Variants in ATP8A2 observed in about 807,000 individuals in gnomAD.
ATP8A2 encodes phospholipid-transporting ATPase IB.
Under a neutral mutation model 165.6 loss-of-function variants are expected in ATP8A2, and 100 were observed. The ratio of observed to expected loss-of-function variants is 0.60; its 90% CI spans 0.51 to 0.71. The LOEUF (loss-of-function observed/expected upper bound fraction) is 0.71. Ranked by LOEUF, ATP8A2 falls within the 30% of genes least tolerant of loss-of-function variation. ATP8A2 has a pLI of 0.00. For synonymous variants in ATP8A2, 543 were observed against 548.8 expected, an observed-to-expected ratio of 0.99 and a Z score of 0.15; for missense variants, 1,227 against 1,479.5, an observed-to-expected ratio of 0.83 and a Z score of 2.80.
intron 25 of ATP8A2, among the ~76,000 whole-genome samples, chr13:25,730,683 T>C (rs1467259689): frequency 2.0e-5 from 3 of 152,216 alleles, no homozygotes; most frequent in Non-Finnish European, 4.4e-5. Context: ...GAAGGCCAAA[T>C]GTAGAATCCA....
At chr13:25,647,875 G>C (rs1024187084) in intron 24 of ATP8A2, among the ~76,000 whole-genome samples, 2 of 151,872 alleles carry the variant, frequency 1.3e-5, no homozygotes, top group Admixed American at 1.3e-4. Context: ...TTTTAGTAGA[G>C]ATGGGGTTTC....
chr13:25,932,501 C>T (rs1333515357), intron 33 of ATP8A2, among the ~76,000 whole-genome samples: 1 of 152,216 alleles, frequency 6.6e-6, no homozygotes, highest in African/African-American at 2.4e-5. Context: ...AACCCAAATA[C>T]TTGCACCTTG....
chr13:25,991,834 CTT>C (rs1956402482), intron 35 of ATP8A2, among the ~76,000 whole-genome samples: 1 of 150,422 alleles, frequency 6.6e-6, no homozygotes, highest in African/African-American at 2.4e-5. Flanking sequence ...AATATTAGGT[CTT>C]AATTTTTCTG....
In ATP8A2 at chr13:25,559,717, G is replaced by A. The variant is rs2138106661; in HGVS notation, c.1353-4G>A. On this transcript the variant is annotated splice_polypyrimidine_tract_variant and splice_region_variant and intron_variant, in intron 14 of 36. Coordinates refer to ENST00000381655, the MANE Select transcript of ATP8A2 (RefSeq NM_016529.6). The stretch of plus-strand genomic sequence containing the variant: ...GACCACTCTGTTTTCCGTTTCTCTG[G>A]CAGTCACTTCCCAGAATTGGCAAGA... 6.2e-7 allele frequency: 1 copy of A among 1,612,764 alleles called. No individual in the cohort carries two copies.
intron 33 of ATP8A2, among the ~76,000 whole-genome samples, chr13:25,897,619 C>T (rs1344993566): frequency 6.6e-6 from 1 of 152,190 alleles, no homozygotes; most frequent in East Asian, 1.9e-4. Flanking sequence ...GGATAATATC[C>T]TGCAGAGTGT....
intron 29 of ATP8A2, among the ~76,000 whole-genome samples, chr13:25,838,550 G>A (rs1951679330): frequency 6.6e-6 from 1 of 151,938 alleles, no homozygotes; most frequent in Middle Eastern, 3.2e-3. Context: ...CTTATCTGCA[G>A]GCACTTTGAA....
At chr13:25,539,222 G>A (rs146453143) in intron 7 of ATP8A2, among the ~76,000 whole-genome samples, 41,516 of 151,794 alleles carry the variant, frequency 0.27, 6,786 homozygotes, top group Middle Eastern at 0.4. Flanking sequence ...TCAGCCTCCT[G>A]AGTAGCTGGG....
chr13:25,904,002 T>C (rs1297004088), intron 33 of ATP8A2, among the ~76,000 whole-genome samples: 1 of 152,188 alleles, frequency 6.6e-6, no homozygotes, highest in Non-Finnish European at 1.5e-5. Context: ...ACTCTGCAGA[T>C]TGAGGATCCC....
chr13:25,636,686 C>T (rs1412290689), intron 24 of ATP8A2, among the ~76,000 whole-genome samples: 1 of 152,168 alleles, frequency 6.6e-6, no homozygotes, highest in Non-Finnish European at 1.5e-5. Context: ...CTCGCCTTCA[C>T]TCCTGTTCTG....
intron 1 of ATP8A2, among the ~76,000 whole-genome samples, chr13:25,454,440 G>A (rs2035308419): frequency 6.7e-6 from 1 of 149,318 alleles, no homozygotes; most frequent in Admixed American, 6.6e-5. Context: ...CTCTCTGAAC[G>A]ATGAAGATGG....
chr13:25,971,762 T>C (rs1955919461), intron 35 of ATP8A2, among the ~76,000 whole-genome samples: 1 of 152,098 alleles, frequency 6.6e-6, no homozygotes, highest in Non-Finnish European at 1.5e-5. Flanking sequence ...ATCTCATTGC[T>C]TGAGAGTACA....
At chr13:25,912,145 G>GA (rs1954125883) in intron 33 of ATP8A2, among the ~76,000 whole-genome samples, 1 of 124,662 alleles carries the variant, frequency 8.0e-6, no homozygotes, top group South Asian at 2.8e-4. Flanking sequence ...AATGGATAAA[G>GA]AAAATGTGAG....
intron 29 of ATP8A2, 113 bp from the exon 30 acceptor site, chr13:25,839,433 T>G: frequency 1.4e-6 from 1 of 706,884 alleles, no homozygotes; most frequent in Non-Finnish European, 2.5e-6. Context: ...ATGCTACTCC[T>G]GGAACCGTGC....
chr13:25,989,670 CCT>C (rs1956345126), intron 35 of ATP8A2, among the ~76,000 whole-genome samples: 2 of 152,094 alleles, frequency 1.3e-5, no homozygotes, highest in African/African-American at 4.8e-5. Context: ...CTCATTCTCT[CCT>C]CTATTTATTT....
At chr13:25,487,627 CA>C (rs141880411) in intron 2 of ATP8A2, among the ~76,000 whole-genome samples, 5 of 151,290 alleles carry the variant, frequency 3.3e-5, no homozygotes, top group African/African-American at 1.2e-4. Flanking sequence ...TTGGGTTTTA[CA>C]AAAAAAACCA....
chr13:25,677,223 T>C (rs1035158845), intron 24 of ATP8A2, among the ~76,000 whole-genome samples: 3 of 152,204 alleles, frequency 2.0e-5, no homozygotes, highest in African/African-American at 7.2e-5. Flanking sequence ...TTAAATAAAA[T>C]CAAGGTTTTA....
intron 35 of ATP8A2, among the ~76,000 whole-genome samples, chr13:25,994,737 G>A (rs533965499): frequency 6.6e-6 from 1 of 152,092 alleles, no homozygotes; most frequent in Admixed American, 6.5e-5. Context: ...CCACTTGATT[G>A]TGTTGTGTAA....
intron 27 of ATP8A2, among the ~76,000 whole-genome samples, chr13:25,793,884 A>G (rs998997916): frequency 2.0e-5 from 3 of 152,100 alleles, no homozygotes; most frequent in Non-Finnish European, 2.9e-5. Flanking sequence ...TCCCCACCCC[A>G]GTTCTTTAGC....
rs189411845 is a variant in ATP8A2, at chr13:25,823,632, C to T, written c.2680-4486C>T. On this transcript the variant is annotated intron_variant, in intron 27 of 36. Coordinates refer to ENST00000381655, the MANE Select transcript of ATP8A2 (RefSeq NM_016529.6). Reference sequence around the variant, plus strand: ...AGTAGGAAGACTTCTTGATTTTTTTCTCTTTGTTACTTTTTCTGTCTGAAT... The same window carrying T: ...AGTAGGAAGACTTCTTGATTTTTTTTTCTTTGTTACTTTTTCTGTCTGAAT... Among the ~76,000 whole-genome samples the T allele has an allele frequency of 1.9e-3, 292 of 151,974 alleles. 1 individual carries two copies. The highest frequency in any genetic ancestry group is 6.9e-3 in the African/African-American group (287 of 41,460).
Sources: gnomAD v4.1 joint callset for allele counts (sites outside exome capture counted in the v4.1 genomes callset) on GRCh38, gnomAD v4.1.1 for gene constraint, MANE v1.5 for transcripts, NCBI Gene and HGNC (gene_info 2026-07-23, HGNC 2026-07-21) for gene names.